Variants in CDYL2 observed in about 807,000 individuals in gnomAD.
The protein encoded by CDYL2 is chromodomain Y like 2, also known as chromodomain Y-like protein 2.
CDYL2 carries 23 observed loss-of-function variants against 49.4 expected under a neutral mutation model. The observed-to-expected ratio is 0.47, with a 90% CI of 0.34 to 0.66. The LOEUF (loss-of-function observed/expected upper bound fraction) is 0.66, where lower values mean the gene tolerates loss of function less well. Ranked by LOEUF, CDYL2 falls within the 30% of genes least tolerant of loss-of-function variation. CDYL2 has a pLI of 0.01. For synonymous variants in CDYL2, 360 were observed against 268.8 expected (o/e 1.34, Z -3.32); for missense variants, 678 against 656.4 (o/e 1.03, Z -0.36).
chr16:80,761,889 A>AAC (rs1906543881), intron 1 of CDYL2, among the ~76,000 whole-genome samples: 1 of 151,656 alleles, frequency 6.6e-6, no homozygotes, highest in Non-Finnish European at 1.5e-5. Context: ...ATTAAAAAAA[A>AAC]AAAAAAAAAC....
intron 2 of CDYL2, among the ~76,000 whole-genome samples, chr16:80,642,374 G>A (rs140556193): frequency 6.6e-5 from 10 of 152,232 alleles, no homozygotes; most frequent in East Asian, 3.9e-4. Context: ...ACCAGGAGGC[G>A]GAAGTTGCAG....
At chr16:80,738,408 A>T (rs191808813) in intron 1 of CDYL2, among the ~76,000 whole-genome samples, 36 of 151,862 alleles carry the variant, frequency 2.4e-4, no homozygotes, top group East Asian at 5.8e-4. Context: ...TTTTTTTTTT[A>T]AAAAAAGGAA....
intron 1 of CDYL2, among the ~76,000 whole-genome samples, chr16:80,759,749 T>A (rs1567597779): frequency 6.6e-6 from 1 of 152,152 alleles, no homozygotes; most frequent in Non-Finnish European, 1.5e-5. Flanking sequence ...CACGACTGCA[T>A]AACAACAACA....
chr16:80,758,515 CATAA>C (rs1317434654), intron 1 of CDYL2, among the ~76,000 whole-genome samples: 1 of 145,708 alleles, frequency 6.9e-6, no homozygotes, highest in Non-Finnish European at 1.5e-5. Context: ...TGTGTAAACA[CATAA>C]ATACAGAAGT....
intron 1 of CDYL2, among the ~76,000 whole-genome samples, chr16:80,778,377 G>A (rs1907159235): frequency 6.6e-6 from 1 of 150,996 alleles, no homozygotes; most frequent in Non-Finnish European, 1.5e-5. Context: ...ATTTAAGCAT[G>A]ATGTGACTAT....
chr16:80,737,875 T>C (rs979484252), intron 1 of CDYL2, among the ~76,000 whole-genome samples: 5 of 152,142 alleles, frequency 3.3e-5, no homozygotes. Context: ...GTTGTTGTTG[T>C]TGTTGTTTTA....
At chr16:80,779,413 A>G (rs1337727759) in intron 1 of CDYL2, among the ~76,000 whole-genome samples, 1 of 152,078 alleles carries the variant, frequency 6.6e-6, no homozygotes, top group Non-Finnish European at 1.5e-5. Flanking sequence ...ATTGCTAGCA[A>G]TATCCTTCCT....
At chr16:80,708,947 T>C (rs1028689013) in intron 1 of CDYL2, among the ~76,000 whole-genome samples, 4 of 152,172 alleles carry the variant, frequency 2.6e-5, no homozygotes, top group African/African-American at 9.7e-5. Context: ...ATGAGGCAAT[T>C]ACCTATCTAC....
At chr16:80,803,802 T>C (rs945232182) in intron 1 of CDYL2, among the ~76,000 whole-genome samples, 8 of 140,902 alleles carry the variant, frequency 5.7e-5, no homozygotes, top group African/African-American at 2.1e-4. Context: ...TCGAGGCGGC[T>C]CGTCGGGCGA....
intron 1 of CDYL2, among the ~76,000 whole-genome samples, chr16:80,715,173 T>C (rs1189337836): frequency 6.6e-6 from 1 of 152,104 alleles, no homozygotes; most frequent in Non-Finnish European, 1.5e-5. Context: ...ACAATGGCCA[T>C]GTGGGTCAGG....
At chr16:80,633,324 G>C (rs1172735178) in intron 2 of CDYL2, 88 bp from the exon 3 acceptor site, 1 of 1,354,656 alleles carries the variant, frequency 7.4e-7, no homozygotes. Flanking sequence ...ATTTCCAATG[G>C]AAAGGTTTGG....
At chr16:80,713,831 T>C (rs1440832474) in intron 1 of CDYL2, among the ~76,000 whole-genome samples, 3 of 152,116 alleles carry the variant, frequency 2.0e-5, no homozygotes, top group Admixed American at 2.0e-4. Context: ...TCAGGAGCCA[T>C]GCTGTGAGGA....
chr16:80,789,874 C>G (rs546052376), intron 1 of CDYL2, among the ~76,000 whole-genome samples: 30 of 152,090 alleles, frequency 2.0e-4, no homozygotes, highest in African/African-American at 6.8e-4. Flanking sequence ...TACACATGGA[C>G]ATAAAGGTGG....
chr16:80,638,254 C>G (rs548148433), intron 2 of CDYL2, among the ~76,000 whole-genome samples: 2 of 152,140 alleles, frequency 1.3e-5, no homozygotes, highest in Middle Eastern at 3.4e-3. Context: ...TATTATTTTT[C>G]GCAGAGAACA....
At chr16:80,657,384 T>G (rs1908856171) in intron 2 of CDYL2, among the ~76,000 whole-genome samples, 2 of 152,120 alleles carry the variant, frequency 1.3e-5, no homozygotes, top group South Asian at 4.1e-4. Context: ...GTATCACAGA[T>G]AAAAGGCTAA....
rs1162976743 is a variant in CDYL2 at position 80,600,924 on chromosome 16, A to G, written c.*3464T>C. 2 of 152,238 alleles carry G rather than the reference A, an allele frequency of 1.3e-5. No homozygotes were observed. The highest frequency in any genetic ancestry group is 6.5e-5 in the Admixed American group (1 of 15,284). The allele number at this position is 152,238 out of a possible 1,614,324, so 9.4% of individuals were successfully genotyped here. Reference sequence around the variant, plus strand: ...AGTCTACTGTGATTATTATTTTTCCATCCTTGTACTAAACTTCACATGGGA... The same window carrying G: ...AGTCTACTGTGATTATTATTTTTCCGTCCTTGTACTAAACTTCACATGGGA... On this transcript the variant is annotated 3_prime_UTR_variant, in exon 7 of 7. Transcript: ENST00000570137.
At chr16:80,712,725 T>C (rs981041262) in intron 1 of CDYL2, among the ~76,000 whole-genome samples, 3 of 152,102 alleles carry the variant, frequency 2.0e-5, no homozygotes, top group Admixed American at 6.5e-5. Context: ...CTGGGATGAA[T>C]GGGAAATGCA....
At chr16:80,721,857 C>G (rs1905009224) in intron 1 of CDYL2, among the ~76,000 whole-genome samples, 1 of 152,176 alleles carries the variant, frequency 6.6e-6, no homozygotes, top group African/African-American at 2.4e-5. Context: ...TTCCTTTGCC[C>G]TGTCCACCTC....
chr16:80,721,649 GCA>G (rs1239548348), intron 1 of CDYL2, among the ~76,000 whole-genome samples: 2 of 152,142 alleles, frequency 1.3e-5, no homozygotes, highest in Non-Finnish European at 2.9e-5. Context: ...TCTAAAATAT[GCA>G]CAGTTTCCCA....
Sources: gnomAD v4.1 joint callset for allele counts (sites outside exome capture counted in the v4.1 genomes callset) on GRCh38, gnomAD v4.1.1 for gene constraint, MANE v1.5 for transcripts, NCBI Gene and HGNC (gene_info 2026-07-23, HGNC 2026-07-21) for gene names.